IFI44: variants seen among roughly 807,000 people sequenced by gnomAD.
IFI44 encodes interferon-induced protein 44.
In IFI44, 42 loss-of-function variants were observed where a neutral mutation model predicts 45.0. That is an observed-to-expected ratio of 0.93 (90% CI 0.73 to 1.21). The LOEUF (loss-of-function observed/expected upper bound fraction) is 1.21, where lower values mean the gene tolerates loss of function less well. Among genes scored for constraint, IFI44 ranks in the 50% most tolerant of loss-of-function variants. The probability of loss-of-function intolerance (pLI) is 0.00; values close to 1 mark genes in which losing one functional copy is unlikely to be tolerated. For missense variants in IFI44, 623 were observed against 525.8 expected (o/e 1.18, Z -1.81); for synonymous variants, 221 against 188.6 (o/e 1.17, Z -1.41).
rs1647170179 is a variant in IFI44, at chr1:78,654,270, G to C, written c.485G>C (p.Gly162Ala). ...TCACTGGATGAAAGAAAGATAAAAG[G>C]GGTCATTGAGTAAGTCAATGTTTTT... ...EDSLDERKIK[G>A]VIELRKSLLS... The change falls in exon 3 of 9, where the codon GGG becomes GCG. Residue 162 changes from glycine to alanine, a missense_variant. Gly to Ala is a moderately conservative substitution (Grantham distance 60). Transcript: ENST00000370747. 1 of 1,480,780 alleles carries C rather than the reference G, an allele frequency of 6.8e-7. No individual in the cohort carries two copies. The highest frequency in any genetic ancestry group is 9.4e-7 in the Non-Finnish European group (1 of 1,060,816). 91.7% of individuals were successfully genotyped at this position (1,480,780 alleles called of 1,614,324 possible).
intron 2 of IFI44, among the ~76,000 whole-genome samples, chr1:78,651,171 G>C (rs1460304363): frequency 6.6e-6 from 1 of 152,064 alleles, no homozygotes; most frequent in African/African-American, 2.4e-5. Flanking sequence ...GATTTCAAGC[G>C]CATTACATTT....
At position 78,653,819 on chromosome 1, in the gene IFI44, C is replaced by T. The variant is rs149268475; in HGVS notation, c.458-424C>T. Reference sequence around the variant, plus strand: ...TGTTTTCTGTTTTTGTGTCTCTGCACATTATTCCTCTCAGACTTATTGGAT... The same window carrying T: ...TGTTTTCTGTTTTTGTGTCTCTGCATATTATTCCTCTCAGACTTATTGGAT... On this transcript the variant is annotated intron_variant, in intron 2 of 8. Transcript: ENST00000370747. Among the ~76,000 whole-genome samples, 527 of 152,290 alleles carry T rather than the reference C, an allele frequency of 3.5e-3. 3 individuals are homozygous for T. The highest frequency in any genetic ancestry group is 4.9e-3 in the Non-Finnish European group (332 of 68,018).
At chr1:78,660,700 C>A in intron 7 of IFI44, 46 bp downstream of exon 7, 1 of 1,194,502 alleles carries the variant, frequency 8.4e-7, no homozygotes, top group Non-Finnish European at 1.3e-6. Flanking sequence ...GGGTATGTTA[C>A]TACAATCACA....
chr1:78,664,011 A>G lies in IFI44; in HGVS notation c.*200A>G. 2.5e-6 allele frequency: 1 copy of G among 404,932 alleles called. No individual in the cohort carries two copies. The highest frequency in any genetic ancestry group is 4.3e-6 in the Non-Finnish European group (1 of 234,264). 25.1% of individuals were successfully genotyped at this position (404,932 alleles called of 1,614,324 possible). On this transcript the variant is annotated 3_prime_UTR_variant, in exon 9 of 9. Transcript: ENST00000370747. The stretch of plus-strand genomic sequence containing the variant: ...TTTAGTCATAATTGTGAAAAATAAT[A>G]ATAATTTTTCTTGGATTTATGTTCT...
At chr1:78,652,172 C>T (rs892941533) in intron 2 of IFI44, among the ~76,000 whole-genome samples, 5 of 152,148 alleles carry the variant, frequency 3.3e-5, no homozygotes, top group East Asian at 1.9e-4. Flanking sequence ...ACTTCCGCCC[C>T]GCGGGATCAA....
chr1:78,654,015 T>C (rs1005506535), intron 2 of IFI44, among the ~76,000 whole-genome samples: 3 of 152,198 alleles, frequency 2.0e-5, no homozygotes, highest in Admixed American at 2.0e-4. Context: ...CTGCTGATAG[T>C]ACAGAGGGTC....
chr1:78,662,597 G>A, intron 7 of IFI44, 107 bp from the exon 8 acceptor site: 1 of 859,138 alleles, frequency 1.2e-6, no homozygotes, highest in East Asian at 2.7e-5. Context: ...TTTCCAATGG[G>A]AAATTATTGC....
intron 6 of IFI44, among the ~76,000 whole-genome samples, chr1:78,659,896 G>A (rs1175018632): frequency 6.6e-6 from 1 of 152,146 alleles, no homozygotes; most frequent in Non-Finnish European, 1.5e-5. Flanking sequence ...AAAAGAAACA[G>A]GAAGGTAAGA....
At position 78,650,484 on chromosome 1, in the gene IFI44, C is replaced by T. The variant is rs35335904; in HGVS notation, c.289C>T (p.Pro97Ser). 2,445 of 1,613,956 alleles carry T rather than the reference C, an allele frequency of 1.5e-3. 3 individuals are homozygous for T. Among genetic ancestry groups the T allele is most frequent in the Non-Finnish European group, 1.7e-3 (2,017 of 1,179,898 alleles). ...AGAATGGAAACTAGGACTATGTACA[C>T]CAGAAACACTGTTTTGTTGTGATGT... Reference protein sequence around the residue: ...ISEWKLGLCTPETLFCCDVTK... With the variant: ...ISEWKLGLCTSETLFCCDVTK... The change falls in exon 2 of 9, where the codon CCA (proline) becomes TCA (serine). Residue 97 changes from proline to serine, a missense_variant. Physicochemically the swap from Pro to Ser is moderately conservative, Grantham distance 74. Transcript: ENST00000370747.
At chr1:78,663,714 T>C in intron 8 of IFI44, 51 bp from the exon 9 acceptor site, 1 of 1,600,216 alleles carries the variant, frequency 6.2e-7, no homozygotes, top group Non-Finnish European at 8.5e-7. Flanking sequence ...TTCCCTCTGG[T>C]TGCCTTTCCT....
At chr1:78,651,811 T>C (rs1314612756) in intron 2 of IFI44, among the ~76,000 whole-genome samples, 4 of 152,204 alleles carry the variant, frequency 2.6e-5, no homozygotes. Flanking sequence ...CTTTTGTGTC[T>C]GGCTTATTTC....
intron 8 of IFI44, chr1:78,663,491 T>C (rs1647590174): frequency 7.1e-6 from 7 of 985,286 alleles, no homozygotes; most frequent in Non-Finnish European, 8.4e-6. Context: ...TTCAGTTTAG[T>C]ATACTCAAAT....
rs1188108788 is a variant in IFI44, at chr1:78,655,225, G to A, written c.690+16G>A. 2 of 1,603,638 alleles carry A rather than the reference G, an allele frequency of 1.2e-6. No homozygotes were observed. The highest frequency in any genetic ancestry group is 1.1e-5 in the South Asian group (1 of 89,712). ...ATCTGAGAAGGTAAGCACATTTGAG[G>A]CCACCTAGCCTTTGCTTCTCTGTTC... On this transcript the variant is annotated intron_variant, in intron 4 of 8. Coordinates refer to ENST00000370747, the MANE Select transcript of IFI44 (RefSeq NM_006417.5).
At chr1:78,657,065 GAATATA>G (rs1647228543) in intron 5 of IFI44, among the ~76,000 whole-genome samples, 1 of 151,010 alleles carries the variant, frequency 6.6e-6, no homozygotes, top group Non-Finnish European at 1.5e-5. Flanking sequence ...ATTCAATATT[GAATATA>G]CATATAACTA....
chr1:78,654,954 TATA>T, intron 3 of IFI44, 57 bp from the exon 4 acceptor site: 2 of 1,241,136 alleles, frequency 1.6e-6, no homozygotes, highest in South Asian at 4.3e-5. Flanking sequence ...TCAGAAAATT[TATA>T]ATAAGGTTTT....
At chr1:78,660,772 C>G in intron 7 of IFI44, 118 bp downstream of exon 7, 1 of 740,856 alleles carries the variant, frequency 1.3e-6, no homozygotes. Context: ...TACAAAATTA[C>G]TTAAATAGGG....
At chr1:78,654,627 A>G (rs1489596791) in intron 3 of IFI44, among the ~76,000 whole-genome samples, 1 of 151,940 alleles carries the variant, frequency 6.6e-6, no homozygotes, top group Non-Finnish European at 1.5e-5. Context: ...AACTTCAAGA[A>G]CATGTTAGAA....
intron 2 of IFI44, among the ~76,000 whole-genome samples, chr1:78,653,129 A>C (rs1373400967): frequency 2.0e-5 from 3 of 151,592 alleles, no homozygotes. Flanking sequence ...CACGTTTTAA[A>C]ATTTGGTTTT....
intron 8 of IFI44, 52 bp from the exon 9 acceptor site, chr1:78,663,713 G>GT: frequency 1.3e-6 from 2 of 1,598,822 alleles, no homozygotes; most frequent in Non-Finnish European, 1.7e-6. Context: ...CTTCCCTCTG[G>GT]TTGCCTTTCC....
Sources: allele counts gnomAD v4.1 joint callset (sites outside exome capture counted in the v4.1 genomes callset), GRCh38; gene constraint gnomAD v4.1.1; transcripts MANE v1.5; gene names NCBI Gene and HGNC (gene_info 2026-07-23, HGNC 2026-07-21).